The following FNIP2 variants were observed in gnomAD, a reference collection of about 807,000 sequenced individuals.
The protein encoded by FNIP2 is folliculin interacting protein 2, also known as folliculin-interacting protein 2.
A neutral mutation model predicts 108.7 loss-of-function variants in FNIP2; 32 were observed. The observed-to-expected ratio is 0.29, with a 90% confidence interval of 0.22 to 0.40. The LOEUF is 0.40. Among genes scored for constraint, FNIP2 ranks in the 10% least tolerant of loss-of-function variants. The pLI, the probability that FNIP2 is intolerant of heterozygous loss-of-function variation, is 1.00. For missense variants in FNIP2, 1,202 were observed against 1,381.6 expected (o/e 0.87, Z 2.06); for synonymous variants, 480 against 496.7 (o/e 0.97, Z 0.45).
chr4:158,882,602 G>C (rs1781741868), intron 14 of FNIP2, among the ~76,000 whole-genome samples: 1 of 152,270 alleles, frequency 6.6e-6, no homozygotes. Flanking sequence ...TTGTTGCTGT[G>C]GCTGTGTAGA....
intron 1 of FNIP2, among the ~76,000 whole-genome samples, chr4:158,780,319 T>C (rs1346314783): frequency 2.0e-5 from 3 of 152,234 alleles, no homozygotes; most frequent in African/African-American, 7.2e-5. Flanking sequence ...AATTGTAGAA[T>C]ATGTACATAA....
chr4:158,881,182 CCG>C (rs1781570132), intron 14 of FNIP2, among the ~76,000 whole-genome samples: 1 of 151,702 alleles, frequency 6.6e-6, no homozygotes, highest in African/African-American at 2.4e-5. Context: ...CTCTCCCTCT[CCG>C]TCTCCCTCCA....
chr4:158,846,946 G>A (rs193168020), intron 7 of FNIP2, among the ~76,000 whole-genome samples: 4 of 152,152 alleles, frequency 2.6e-5, no homozygotes, highest in East Asian at 1.9e-4. Context: ...TCCCCTGGAC[G>A]TGTGGTGCAG....
intron 1 of FNIP2, chr4:158,808,450 A>G (rs1292159888): frequency 6.6e-6 from 1 of 152,044 alleles, no homozygotes; most frequent in Non-Finnish European, 1.5e-5. Context: ...AGAACTTTGT[A>G]CAATGATGAC....
In FNIP2 at chr4:158,868,326, G is replaced by A. The variant is rs758952506; in HGVS notation, c.1690G>A (p.Glu564Lys). Reference protein sequence around the residue: ...ITALEKGEVEESEYVVITVRN... With the variant: ...ITALEKGEVEKSEYVVITVRN... ...AGCCTTGGAGAAAGGAGAGGTGGAG[G>A]AGTCTGAGTATGTGGTCATTACGGT... The change falls in exon 13 of 17, where the codon GAG becomes AAG. Residue 564 changes from glutamate (E) to lysine (K), a missense_variant. Physicochemically the swap from Glu to Lys is moderately conservative, Grantham distance 56 (BLOSUM62 1). Around this residue, in one of 5 missense-constraint regions of FNIP2, gnomAD observed 878 missense variants for 990.3 expected, o/e 0.89. Transcript: ENST00000264433. The surrounding 1 kb of genome is among the most constrained non-coding windows in gnomAD (Gnocchi z 4.6). 2 of 1,613,950 alleles carry A rather than the reference G, an allele frequency of 1.2e-6. No homozygotes were observed. Among genetic ancestry groups the A allele is most frequent in the African/African-American group, 2.7e-5 (2 of 74,946 alleles).
chr4:158,887,151 T>C (rs1452087632), intron 14 of FNIP2, among the ~76,000 whole-genome samples: 1 of 152,196 alleles, frequency 6.6e-6, no homozygotes, highest in Non-Finnish European at 1.5e-5. Flanking sequence ...GAAGAGCAGA[T>C]AGTGGATTAG....
chr4:158,836,721 C>A (rs77289372), intron 7 of FNIP2: 21 of 145,222 alleles, frequency 1.4e-4, no homozygotes, highest in African/African-American at 5.1e-4. Context: ...GAGGCTGAGG[C>A]ACGAGAATCA....
intron 14 of FNIP2, among the ~76,000 whole-genome samples, chr4:158,882,702 AC>A (rs969125510): frequency 4.6e-5 from 7 of 152,164 alleles, no homozygotes; most frequent in African/African-American, 1.7e-4. Flanking sequence ...CTTACCCCCA[AC>A]CGGGTGCTCT....
chr4:158,772,382 G>T (rs1396089387), intron 1 of FNIP2, among the ~76,000 whole-genome samples: 2 of 152,162 alleles, frequency 1.3e-5, no homozygotes, highest in East Asian at 3.8e-4. Context: ...TTATCTTAAG[G>T]TTGTTCTTGT....
intron 12 of FNIP2, among the ~76,000 whole-genome samples, chr4:158,864,796 C>CTGT (rs1032168948): frequency 3.3e-5 from 5 of 152,162 alleles, no homozygotes; most frequent in Non-Finnish European, 5.9e-5. Flanking sequence ...ACCCTCCTGG[C>CTGT]TGTTATCTCC....
rs1553967024 is a variant in FNIP2 at position 158,896,851 on chromosome 4, T to TA, written c.3266+987dup. Among the ~76,000 whole-genome samples, 201 of 139,090 alleles carry TA rather than the reference T, an allele frequency of 1.4e-3. 2 individuals carry two copies. The highest frequency in any genetic ancestry group is 5.0e-3 in the African/African-American group (192 of 38,664). The allele number at this position is 139,090 out of a possible 152,430, so 91.2% of individuals were successfully genotyped here. A position where few individuals can be genotyped will look rare whatever the true frequency, so the allele number is the denominator to read the frequency against. ...AATCCTGCCTTATTAGTTTTTTTTTTATTATTATTATACTTTTAAGTTCTG... is the reference window on the plus strand; with the variant it reads ...AATCCTGCCTTATTAGTTTTTTTTTTAATTATTATTATACTTTTAAGTTCTG... On this transcript the variant is annotated intron_variant, in intron 16 of 16. Transcript: ENST00000264433.
intron 14 of FNIP2, among the ~76,000 whole-genome samples, chr4:158,884,858 C>T (rs578034082): frequency 6.6e-5 from 10 of 151,862 alleles, no homozygotes; most frequent in African/African-American, 2.4e-4. Context: ...CGTCAGCTCT[C>T]GGCCAGCCAC....
In FNIP2 at chr4:158,859,634, C is replaced by T. The variant is rs1231390353; in HGVS notation, c.1116C>T (p.Val372=). 11 of 1,613,416 alleles carry T rather than the reference C, an allele frequency of 6.8e-6. No individual in the cohort carries two copies. The highest frequency in any genetic ancestry group is 9.3e-6 in the Non-Finnish European group (11 of 1,179,656). The change falls in exon 10 of 17, where the codon GTC becomes GTT. Residue 372 remains valine (V), a synonymous_variant. Coordinates refer to ENST00000264433, the MANE Select transcript of FNIP2 (RefSeq NM_020840.3). ...AESSLRVQFY[V]SRLMEALGEF... ...CAAGTCTCCGAGTCCAGTTTTATGT[C>T]AGCCGTTTGATGGAAGCTCTGGGAG... is the stretch of plus-strand genomic sequence containing the variant.
chr4:158,814,665 T>G (rs1036463685), intron 1 of FNIP2, among the ~76,000 whole-genome samples: 1 of 152,158 alleles, frequency 6.6e-6, no homozygotes, highest in Non-Finnish European at 1.5e-5. Context: ...AGGGGTTGCT[T>G]TTTTAGAGAG....
chr4:158,879,203 C>T (rs1781450111), intron 14 of FNIP2, among the ~76,000 whole-genome samples: 1 of 150,454 alleles, frequency 6.6e-6, no homozygotes, highest in Non-Finnish European at 1.5e-5. Flanking sequence ...TTAACAAATT[C>T]ACACTTAACA....
intron 14 of FNIP2, among the ~76,000 whole-genome samples, chr4:158,873,159 G>GA (rs1781057120): frequency 7.0e-6 from 1 of 143,630 alleles, no homozygotes; most frequent in Admixed American, 6.8e-5. Flanking sequence ...AAAAAAAAAA[G>GA]AAAAAACAAA....
At chr4:158,878,260 T>C (rs570210058) in intron 14 of FNIP2, among the ~76,000 whole-genome samples, 5 of 152,304 alleles carry the variant, frequency 3.3e-5, no homozygotes, top group Middle Eastern at 3.4e-3. Flanking sequence ...GATGAAAGAC[T>C]GTGGTCTTGT....
intron 7 of FNIP2, among the ~76,000 whole-genome samples, chr4:158,839,698 G>A (rs1448653489): frequency 6.6e-6 from 1 of 152,074 alleles, no homozygotes; most frequent in Admixed American, 6.5e-5. Context: ...AAATTGTTTC[G>A]GTTTTGACCA....
At chr4:158,790,880 A>G (rs1023953111) in intron 1 of FNIP2, among the ~76,000 whole-genome samples, 1 of 151,576 alleles carries the variant, frequency 6.6e-6, no homozygotes, top group Non-Finnish European at 1.5e-5. Flanking sequence ...TTGGATTTGT[A>G]TCTTCTTATT....
Sources: gnomAD v4.1 joint callset for allele counts (sites outside exome capture counted in the v4.1 genomes callset) on GRCh38, gnomAD v4.1.1 for gene constraint, gnomAD v4.1.1 regional missense constraint, Gnocchi (gnomAD v3.1) non-coding constraint, MANE v1.5 for transcripts, NCBI Gene and HGNC (gene_info 2026-07-23, HGNC 2026-07-21) for gene names.